RBFOX1: variants seen among roughly 807,000 people sequenced by gnomAD.
RBFOX1 encodes RNA binding fox-1 homolog 1, also known as RNA binding protein fox-1 homolog 1.
In RBFOX1, 8 loss-of-function variants were observed where a neutral mutation model predicts 57.7. That is an observed-to-expected ratio of 0.14 (90% CI 0.08 to 0.25). The LOEUF is 0.25. RBFOX1 is among the 10% of genes least tolerant of loss of function. The pLI is 1.00. For synonymous variants in RBFOX1, 326 were observed against 222.4 expected, an observed-to-expected ratio of 1.47 and a Z score of -4.15; for missense variants, 611 against 548.5, an observed-to-expected ratio of 1.11 and a Z score of -1.14.
intron 4 of RBFOX1, among the ~76,000 whole-genome samples, chr16:7,365,146 C>G (rs1307467253): frequency 1.3e-5 from 2 of 152,272 alleles, no homozygotes; most frequent in Non-Finnish European, 2.9e-5. Flanking sequence ...GATAGGGTTT[C>G]AAGACTACTG....
At chr16:6,131,456 C>T (rs540138299) in intron 1 of RBFOX1, among the ~76,000 whole-genome samples, 7 of 152,152 alleles carry the variant, frequency 4.6e-5, no homozygotes, top group Non-Finnish European at 7.4e-5. Context: ...AAGCTTACTA[C>T]CCCTTGCTCT....
At chr16:6,432,718 G>A (rs972220486) in intron 2 of RBFOX1, among the ~76,000 whole-genome samples, 2 of 151,990 alleles carry the variant, frequency 1.3e-5, no homozygotes, top group Non-Finnish European at 2.9e-5. Context: ...AATGGCTTAT[G>A]TCTGTAATCC....
At chr16:6,441,098 G>A (rs1338754752) in intron 2 of RBFOX1, among the ~76,000 whole-genome samples, 1 of 152,122 alleles carries the variant, frequency 6.6e-6, no homozygotes, top group East Asian at 1.9e-4. Context: ...GGACGGAGAG[G>A]CAGTGAGCCC....
At chr16:6,749,256 G>T (rs1290316733) in intron 3 of RBFOX1, among the ~76,000 whole-genome samples, 1 of 152,120 alleles carries the variant, frequency 6.6e-6, no homozygotes, top group Non-Finnish European at 1.5e-5. Context: ...CTGAGCCTGG[G>T]TTCCTCATTG....
intron 3 of RBFOX1, among the ~76,000 whole-genome samples, chr16:6,808,270 A>G (rs905613528): frequency 6.6e-6 from 1 of 151,008 alleles, no homozygotes; most frequent in African/African-American, 2.4e-5. Flanking sequence ...ATCACTTTGG[A>G]ATTACCTCTT....
intron 4 of RBFOX1, among the ~76,000 whole-genome samples, chr16:7,349,064 C>G (rs188890146): frequency 3.2e-4 from 49 of 152,276 alleles, no homozygotes; most frequent in Admixed American, 3.1e-3. Context: ...GAAAAATGTG[C>G]TAGTTTTGGA....
chr16:6,138,014 A>G (rs895463003), intron 1 of RBFOX1, among the ~76,000 whole-genome samples: 2 of 152,174 alleles, frequency 1.3e-5, no homozygotes, highest in Non-Finnish European at 2.9e-5. Flanking sequence ...ACTTATCAGG[A>G]CTGGAGCAAC....
intron 2 of RBFOX1, among the ~76,000 whole-genome samples, chr16:6,568,212 C>A (rs569651786): frequency 1.2e-4 from 19 of 152,298 alleles, no homozygotes; most frequent in African/African-American, 4.6e-4. Context: ...GTCCAGGAAT[C>A]TGGGAGTGGC....
At chr16:6,332,239 C>T (rs999074415) in intron 2 of RBFOX1, among the ~76,000 whole-genome samples, 5 of 152,212 alleles carry the variant, frequency 3.3e-5, no homozygotes. Context: ...TGTATGGCAA[C>T]GTAGAAGGCG....
rs147668632 is a variant in RBFOX1, at chr16:6,604,792, A to G, written c.-63-49811A>G. Among the ~76,000 whole-genome samples, 657 of 152,204 alleles carry G rather than the reference A, an allele frequency of 4.3e-3. 8 individuals carry two copies. The highest frequency in any genetic ancestry group is 0.014 in the African/African-American group (589 of 41,534). On this transcript the variant is annotated intron_variant, in intron 2 of 15. Coordinates refer to ENST00000550418, the MANE Select transcript of RBFOX1 (RefSeq NM_018723.4). ...TTCTATAATTCTTTCTTTCTTACCA[A>G]TTAATTGGTGCTTGAGATTGATGTA...
chr16:7,421,245 G>GAA (rs2098540110), intron 4 of RBFOX1, among the ~76,000 whole-genome samples: 1 of 148,262 alleles, frequency 6.7e-6, no homozygotes, highest in Admixed American at 6.8e-5. Flanking sequence ...AAGAGAGAGA[G>GAA]AACAACCTAT....
chr16:5,329,113 A>T (rs568932919), intron 1 of RBFOX1, among the ~76,000 whole-genome samples: 1 of 152,200 alleles, frequency 6.6e-6, no homozygotes, highest in Non-Finnish European at 1.5e-5. Flanking sequence ...TTCCGTTATT[A>T]TTTCCATTTA....
At chr16:5,797,647 T>G (rs980638861) in intron 3 of RBFOX1, among the ~76,000 whole-genome samples, 2 of 152,242 alleles carry the variant, frequency 1.3e-5, no homozygotes, top group Admixed American at 6.5e-5. Context: ...AGAGCCAGCT[T>G]GGCCCATCTT....
At chr16:5,909,177 C>A (rs1246457794) in intron 4 of RBFOX1, among the ~76,000 whole-genome samples, 2 of 145,496 alleles carry the variant, frequency 1.4e-5, no homozygotes, top group East Asian at 4.3e-4. Context: ...ACTGCAAGCT[C>A]CGCCTCCCGG....
chr16:5,665,481 T>C (rs1396658128), intron 3 of RBFOX1, among the ~76,000 whole-genome samples: 1 of 152,154 alleles, frequency 6.6e-6, no homozygotes, highest in Non-Finnish European at 1.5e-5. Context: ...TACCACCTTG[T>C]TTTTTGCATT....
intron 4 of RBFOX1, among the ~76,000 whole-genome samples, chr16:7,121,915 C>T (rs144226328): frequency 1.3e-5 from 2 of 148,900 alleles, no homozygotes; most frequent in African/African-American, 4.9e-5. Context: ...GGTACAAAAT[C>T]AAAGGAGAAA....
At chr16:5,419,449 A>G (rs1274613664) in intron 1 of RBFOX1, among the ~76,000 whole-genome samples, 1 of 151,968 alleles carries the variant, frequency 6.6e-6, no homozygotes, top group Non-Finnish European at 1.5e-5. Flanking sequence ...CTGGCAGCTG[A>G]TTAGCTGGTG....
chr16:6,768,943 G>T (rs771564776), intron 3 of RBFOX1, among the ~76,000 whole-genome samples: 10 of 151,986 alleles, frequency 6.6e-5, no homozygotes, highest in Admixed American at 6.6e-4. Context: ...TGGCCAGGCT[G>T]GTCTCAAACT....
intron 3 of RBFOX1, among the ~76,000 whole-genome samples, chr16:7,038,118 G>A (rs1277207805): frequency 1.3e-5 from 2 of 152,158 alleles, no homozygotes; most frequent in Non-Finnish European, 2.9e-5. Flanking sequence ...TCTGGATGTA[G>A]AGAGGGGGAT....
Sources: allele counts gnomAD v4.1 joint callset (sites outside exome capture counted in the v4.1 genomes callset), GRCh38; gene constraint gnomAD v4.1.1; transcripts MANE v1.5; gene names NCBI Gene and HGNC (gene_info 2026-07-23, HGNC 2026-07-21).